PCDHGB6: variants seen among roughly 807,000 people sequenced by gnomAD.
PCDHGB6 encodes protocadherin gamma subfamily B, 6.
PCDHGB6 carries 51 observed loss-of-function variants against 59.1 expected under a neutral mutation model. The observed-to-expected ratio is 0.86, with a 90% CI of 0.69 to 1.09. PCDHGB6 has a LOEUF of 1.09. PCDHGB6 is among the 50% of genes least tolerant of loss of function. The pLI is 0.00. For synonymous variants in PCDHGB6, 466 were observed against 495.1 expected (o/e 0.94, Z 0.78); for missense variants, 1,148 against 1,205.1 (o/e 0.95, Z 0.70).
At chr5:141,450,642 A>C (rs2098688710) in intron 1 of PCDHGB6, among the ~76,000 whole-genome samples, 1 of 151,504 alleles carries the variant, frequency 6.6e-6, no homozygotes, top group Non-Finnish European at 1.5e-5. Context: ...GCCTGCCACC[A>C]TGCCTGGCTA....
chr5:141,443,251 C>T (rs200319609), intron 1 of PCDHGB6, among the ~76,000 whole-genome samples: 7 of 150,782 alleles, frequency 4.6e-5, no homozygotes, highest in East Asian at 3.9e-4. Flanking sequence ...GGCGCCAAGG[C>T]GGGTGGATCA....
intron 2 of PCDHGB6, among the ~76,000 whole-genome samples, chr5:141,496,040 AT>A (rs2099765531): frequency 1.3e-5 from 2 of 150,356 alleles, no homozygotes; most frequent in Admixed American, 6.6e-5. Flanking sequence ...TCTGTCTCTC[AT>A]TTTTTTGTGC....
rs767577725 is a variant in PCDHGB6, at chr5:141,485,642, G to C, written c.2419-9165G>C. On this transcript the variant is annotated intron_variant, in intron 1 of 3. Transcript: ENST00000520790. This position sits in a 1 kb window ranked among gnomAD's most constrained non-coding sequence, Gnocchi z 5.7. ...AGGACAGCGTTTCCCGTTGGAAAAGGCTCAGGATGCAGATGTGGGGAGCAA... is the reference window on the plus strand; with the variant it reads ...AGGACAGCGTTTCCCGTTGGAAAAGCCTCAGGATGCAGATGTGGGGAGCAA... 2 of 1,612,044 alleles carry C rather than the reference G, an allele frequency of 1.2e-6. No individual in the cohort carries two copies. The highest frequency in any genetic ancestry group is 8.5e-7 in the Non-Finnish European group (1 of 1,178,592).
chr5:141,421,077 A>G (rs975269359), intron 1 of PCDHGB6: 1 of 619,100 alleles, frequency 1.6e-6, no homozygotes, highest in Non-Finnish European at 2.7e-6. Context: ...TGAGATGGAT[A>G]CTCACAGATC....
At chr5:141,420,254 G>C (rs186977117) in intron 1 of PCDHGB6, 3 of 1,569,172 alleles carry the variant, frequency 1.9e-6, no homozygotes, top group Admixed American at 3.8e-5. Context: ...CGTTGAAGCA[G>C]ATAAGAAGAT....
chr5:141,505,072 G>A (rs1374916789), intron 2 of PCDHGB6, among the ~76,000 whole-genome samples: 1 of 152,228 alleles, frequency 6.6e-6, no homozygotes. Context: ...TGAGGCAGGA[G>A]AATCGCTTGA....
rs767719494 is a variant in PCDHGB6 at position 141,491,200 on chromosome 5, C to T, written c.2419-3607C>T. On this transcript the variant is annotated intron_variant, in intron 1 of 3. Coordinates refer to ENST00000520790, the MANE Select transcript of PCDHGB6 (RefSeq NM_018926.3). This position sits in a 1 kb window ranked among gnomAD's most constrained non-coding sequence, Gnocchi z 6.9. The stretch of plus-strand genomic sequence containing the variant: ...GGTCCTGGTGAGGGACAATGGTGAC[C>T]CTTCACTCTCCTCCACAGCCACAGT... 4 of 1,614,158 alleles carry T rather than the reference C, an allele frequency of 2.5e-6. No individual in the cohort carries two copies. The highest frequency in any genetic ancestry group is 3.4e-6 in the Non-Finnish European group (4 of 1,180,000).
chr5:141,438,513 A>G (rs2097964808), intron 1 of PCDHGB6, among the ~76,000 whole-genome samples: 1 of 148,768 alleles, frequency 6.7e-6, no homozygotes, highest in Non-Finnish European at 1.5e-5. Context: ...TGCAAAACCA[A>G]TTATTTTACA....
intron 1 of PCDHGB6, among the ~76,000 whole-genome samples, chr5:141,454,120 T>C (rs956675583): frequency 6.6e-5 from 10 of 152,228 alleles, no homozygotes; most frequent in African/African-American, 2.4e-4. Context: ...ATAGAAGAAA[T>C]AGCTGACCAT....
chr5:141,459,756 G>A (rs1455980132), intron 1 of PCDHGB6, among the ~76,000 whole-genome samples: 1 of 152,118 alleles, frequency 6.6e-6, no homozygotes, highest in Non-Finnish European at 1.5e-5. Flanking sequence ...AATTCTAGTG[G>A]GTGTGTGATA....
intron 1 of PCDHGB6, among the ~76,000 whole-genome samples, chr5:141,450,814 A>ATT (rs755856825): frequency 0.033 from 4,450 of 136,778 alleles, 81 homozygotes; most frequent in Middle Eastern, 0.081. Context: ...TTATTTATTT[A>ATT]ATATTATTAT....
chr5:141,409,124 G>T lies in PCDHGB6; in HGVS notation c.922G>T (p.Asp308Tyr). ...TGMIKNNQSF[D>Y]FEDVERYTME... ...TATGATTAAGAATAACCAGTCATTT[G>T]ATTTTGAAGATGTAGAAAGGTACAC... The change falls in exon 1 of 4, where the codon GAT (aspartate) becomes TAT (tyrosine). Residue 308 changes from aspartate to tyrosine, a missense_variant. Physicochemically the swap from Asp to Tyr is radical, Grantham distance 160 (BLOSUM62 -3). Transcript: ENST00000520790. 1 of 1,613,940 alleles carries T rather than the reference G, an allele frequency of 6.2e-7. No homozygotes were observed.
At chr5:141,467,273 G>T (rs879618653) in intron 1 of PCDHGB6, among the ~76,000 whole-genome samples, 1 of 151,828 alleles carries the variant, frequency 6.6e-6, no homozygotes, top group Admixed American at 6.6e-5. Context: ...GGCTGGTCTC[G>T]AACTCTTGAC....
Position 141,408,518 on chromosome 5 carries a change from T to A in PCDHGB6, c.316T>A (p.Leu106Met), listed in dbSNP as rs1330187050. 1 of 1,614,010 alleles carries A rather than the reference T, an allele frequency of 6.2e-7. No homozygotes were observed. The highest frequency in any genetic ancestry group is 1.3e-5 in the African/African-American group (1 of 75,050). The change falls in exon 1 of 4, where the codon TTG becomes ATG. Residue 106 changes from leucine to methionine, a missense_variant. By Grantham distance (15) the Leu-to-Met change is conservative (BLOSUM62 2). This residue lies in a region of PCDHGB6 where 307 missense variants were observed against 323.8 expected (regional missense o/e 0.95). Coordinates refer to ENST00000520790, the MANE Select transcript of PCDHGB6 (RefSeq NM_018926.3). ...AGAGAGAAGAAGATGTGAGTTGCAATTGGAAGCTGTGGTGGAAAATCCTTT... is the reference window on the plus strand; with the variant it reads ...AGAGAGAAGAAGATGTGAGTTGCAAATGGAAGCTGTGGTGGAAAATCCTTT... The part of the protein sequence containing the change: ...CKERRRCELQ[L>M]EAVVENPLNI...
rs920851409 is a variant in PCDHGB6 at position 141,409,330 on chromosome 5, C to T, written c.1128C>T (p.Phe376=). 1 of 1,613,836 alleles carries T rather than the reference C, an allele frequency of 6.2e-7. No individual in the cohort carries two copies. Among genetic ancestry groups the T allele is most frequent in the African/African-American group, 1.3e-5 (1 of 74,916 alleles). The change falls in exon 1 of 4, where the codon TTC becomes TTT. Residue 376 remains phenylalanine (F), a synonymous_variant. Coordinates refer to ENST00000520790, the MANE Select transcript of PCDHGB6 (RefSeq NM_018926.3). ...VALFKTRDLD[F]GGNGEVRCNI... ...TCTTCAAAACACGGGATCTGGATTT[C>T]GGAGGAAATGGAGAAGTCAGGTGTA...
chr5:141,481,053 A>T (rs2099530801), intron 1 of PCDHGB6, among the ~76,000 whole-genome samples: 1 of 152,104 alleles, frequency 6.6e-6, no homozygotes, highest in Non-Finnish European at 1.5e-5. Flanking sequence ...GCGAGACTCC[A>T]CCTCAAAAAC....
rs1284989963 is a variant in PCDHGB6 at position 141,419,134 on chromosome 5, A to T, written c.2418+8514A>T. On this transcript the variant is annotated intron_variant, in intron 1 of 3. Transcript: ENST00000520790. ...AGTACAACGTCACCATCGCAGCCAC[A>T]GACAGGGGCAAGCCTCCGTTATCCT... is the stretch of plus-strand genomic sequence containing the variant. 2.5e-6 allele frequency: 4 copies of T among 1,613,826 alleles called. No individual in the cohort carries two copies. In the African/African-American group the frequency reaches 5.3e-5, roughly 22 times the overall value.
intron 1 of PCDHGB6, among the ~76,000 whole-genome samples, chr5:141,481,782 T>C (rs1348977678): frequency 6.6e-6 from 1 of 152,008 alleles, no homozygotes; most frequent in African/African-American, 2.4e-5. Context: ...TGAAACCCCG[T>C]CTCTACTAAA....
chr5:141,428,857 A>C (rs2097165548), intron 1 of PCDHGB6: 1 of 140,386 alleles, frequency 7.1e-6, no homozygotes, highest in Non-Finnish European at 1.5e-5. Context: ...TTTTTACGGG[A>C]GACTTTTTTT....
Sources: gnomAD v4.1 joint callset for allele counts (sites outside exome capture counted in the v4.1 genomes callset) on GRCh38, gnomAD v4.1.1 for gene constraint, gnomAD v4.1.1 regional missense constraint, Gnocchi (gnomAD v3.1) non-coding constraint, MANE v1.5 for transcripts, NCBI Gene and HGNC (gene_info 2026-07-23, HGNC 2026-07-21) for gene names.